KCNK13: variants seen among roughly 807,000 people sequenced by gnomAD.
KCNK13 encodes the protein potassium channel subfamily K member 13.
KCNK13 carries 12 observed loss-of-function variants against 23.4 expected under a neutral mutation model. That is an observed-to-expected ratio of 0.51 (90% CI 0.33 to 0.83). KCNK13 has a LOEUF of 0.83. KCNK13 is among the 40% of genes least tolerant of loss of function. KCNK13 has a pLI of 0.02. For missense variants in KCNK13, 463 were observed against 556.3 expected (o/e 0.83, Z 1.69); for synonymous variants, 231 against 229.5 (o/e 1.01, Z -0.06).
chr14:90,066,772 T>C (rs1889014620), intron 1 of KCNK13, among the ~76,000 whole-genome samples: 1 of 152,108 alleles, frequency 6.6e-6, no homozygotes, highest in Non-Finnish European at 1.5e-5. Context: ...AGGTTAAACA[T>C]AGAACTACTT....
intron 1 of KCNK13, among the ~76,000 whole-genome samples, chr14:90,136,614 C>T (rs528700508): frequency 1.4e-4 from 22 of 152,184 alleles, no homozygotes; most frequent in African/African-American, 4.1e-4. Context: ...CAGCACACAG[C>T]ATTGTGTAGT....
chr14:90,097,351 T>C (rs2138228), intron 1 of KCNK13, among the ~76,000 whole-genome samples: 43,474 of 151,784 alleles, frequency 0.29, 7,007 homozygotes, highest in African/African-American at 0.42. Context: ...ACCCCAGGGG[T>C]ATTCTGGCTT....
chr14:90,097,002 T>C (rs1152445), intron 1 of KCNK13, among the ~76,000 whole-genome samples: 1,801 of 152,212 alleles, frequency 0.012, 17 homozygotes, highest in Non-Finnish European at 0.02. Flanking sequence ...CTTGGGGGCT[T>C]GGATCCAGCA....
At chr14:90,157,702 C>CTTTTTTTTTTTTTTT (rs34114368) in intron 1 of KCNK13, among the ~76,000 whole-genome samples, 1 of 100,348 alleles carries the variant, frequency 1.0e-5, no homozygotes. Context: ...CTTGGCTTTC[C>CTTTTTTTTTTTTTTT]TTTTTTTTTT....
intron 1 of KCNK13, among the ~76,000 whole-genome samples, chr14:90,143,348 G>A (rs1351069621): frequency 2.6e-5 from 4 of 151,190 alleles, no homozygotes; most frequent in South Asian, 2.1e-4. Flanking sequence ...GCTGGGATTC[G>A]CAGCTTTTCA....
chr14:90,097,501 C>A (rs1226582342), intron 1 of KCNK13, among the ~76,000 whole-genome samples: 1 of 152,120 alleles, frequency 6.6e-6, no homozygotes, highest in Non-Finnish European at 1.5e-5. Flanking sequence ...CCAAACACTT[C>A]CCTCTAGGCC....
At chr14:90,154,908 T>C (rs556899601) in intron 1 of KCNK13, among the ~76,000 whole-genome samples, 2 of 152,242 alleles carry the variant, frequency 1.3e-5, no homozygotes, top group Non-Finnish European at 2.9e-5. Flanking sequence ...ATGTACTGTA[T>C]GTACAAATGA....
At chr14:90,106,976 G>A (rs777946557) in intron 1 of KCNK13, among the ~76,000 whole-genome samples, 18 of 152,214 alleles carry the variant, frequency 1.2e-4, no homozygotes, top group Admixed American at 1.3e-4. Context: ...AGCTGAGATC[G>A]CACCACTGCA....
chr14:90,184,429 C>A lies in KCNK13; in HGVS notation c.653C>A (p.Pro218His). The A allele has an allele frequency of 6.2e-7, 1 of 1,614,224 alleles. No homozygotes were observed. Among genetic ancestry groups the A allele is most frequent in the Non-Finnish European group, 8.5e-7 (1 of 1,180,040 alleles). Reference protein sequence around the residue: ...ISCCASAMYTPIEGWSYFDSL... With the variant: ...ISCCASAMYTHIEGWSYFDSL... ...TGCTGCGCCTCAGCCATGTACACCCCCATTGAAGGCTGGAGCTACTTTGAC... is the reference window on the plus strand; with the variant it reads ...TGCTGCGCCTCAGCCATGTACACCCACATTGAAGGCTGGAGCTACTTTGAC... The change falls in exon 2 of 2, where the codon CCC becomes CAC. Residue 218 changes from proline (P) to histidine (H), a missense_variant. Pro to His is a moderately conservative substitution (Grantham distance 77). Coordinates refer to ENST00000282146, the MANE Select transcript of KCNK13 (RefSeq NM_022054.4). This position sits in a 1 kb window ranked among gnomAD's most constrained non-coding sequence, Gnocchi z 5.6.
intron 1 of KCNK13, among the ~76,000 whole-genome samples, chr14:90,152,877 G>C (rs910570667): frequency 6.6e-6 from 1 of 152,084 alleles, no homozygotes; most frequent in African/African-American, 2.4e-5. Flanking sequence ...TCATTCTATG[G>C]GTTTCTGAGG....
chr14:90,111,949 C>T lies in KCNK13; in HGVS notation c.334+49410C>T, dbSNP rs142790700. The stretch of plus-strand genomic sequence containing the variant: ...CTCTTAAGAGAGAATCCACTCCTCC[C>T]GGGGAGTCTAAGGATCCTAGGCTAG... On this transcript the variant is annotated intron_variant, in intron 1 of 1. Coordinates refer to ENST00000282146, the MANE Select transcript of KCNK13 (RefSeq NM_022054.4). 1.8e-3 allele frequency among the ~76,000 whole-genome samples: 279 copies of T among 152,282 alleles called. 3 individuals are homozygous for T. In the East Asian group the frequency reaches 0.038, roughly 21 times the overall value.
At chr14:90,152,455 A>G (rs1384419415) in intron 1 of KCNK13, among the ~76,000 whole-genome samples, 1 of 152,110 alleles carries the variant, frequency 6.6e-6, no homozygotes, top group East Asian at 1.9e-4. Flanking sequence ...GAATCGCTTG[A>G]ACCCGGGAGG....
At chr14:90,082,285 G>C (rs1889223491) in intron 1 of KCNK13, among the ~76,000 whole-genome samples, 1 of 150,384 alleles carries the variant, frequency 6.6e-6, no homozygotes, top group African/African-American at 2.5e-5. Flanking sequence ...GGCTGGTCTT[G>C]AACTCCTGAC....
At chr14:90,066,336 T>C (rs1286925) in intron 1 of KCNK13, among the ~76,000 whole-genome samples, 81,200 of 151,152 alleles carry the variant, frequency 0.54, 22,286 homozygotes, top group African/African-American at 0.67. Context: ...ATGAGCTTGG[T>C]TCACTGCAAC....
chr14:90,129,463 G>A (rs1889841845), intron 1 of KCNK13, among the ~76,000 whole-genome samples: 1 of 152,180 alleles, frequency 6.6e-6, no homozygotes, highest in South Asian at 2.1e-4. Context: ...GGTCTAGGGT[G>A]GAGCCAGAGA....
chr14:90,071,030 C>T (rs967056569), intron 1 of KCNK13, among the ~76,000 whole-genome samples: 1 of 152,194 alleles, frequency 6.6e-6, no homozygotes, highest in African/African-American at 2.4e-5. Context: ...AGCCCTCACT[C>T]TCCATTGCCC....
At chr14:90,164,728 T>G (rs995677868) in intron 1 of KCNK13, among the ~76,000 whole-genome samples, 2 of 152,210 alleles carry the variant, frequency 1.3e-5, no homozygotes, top group Non-Finnish European at 2.9e-5. Flanking sequence ...TCTTTTTGAT[T>G]CTGTCATTTT....
At chr14:90,174,357 G>A (rs1474051133) in intron 1 of KCNK13, among the ~76,000 whole-genome samples, 1 of 152,064 alleles carries the variant, frequency 6.6e-6, no homozygotes, top group Non-Finnish European at 1.5e-5. Context: ...CAGATCTCAT[G>A]AGAACTCCCT....
chr14:90,158,513 A>G (rs115172992), intron 1 of KCNK13, among the ~76,000 whole-genome samples: 1,708 of 152,298 alleles, frequency 0.011, 30 homozygotes, highest in African/African-American at 0.036. Flanking sequence ...GGAAGGGGGG[A>G]AAACACCAGG....
Sources: allele counts gnomAD v4.1 joint callset (sites outside exome capture counted in the v4.1 genomes callset), GRCh38; gene constraint gnomAD v4.1.1; non-coding constraint Gnocchi (gnomAD v3.1); transcripts MANE v1.5; gene names NCBI Gene and HGNC (gene_info 2026-07-23, HGNC 2026-07-21).